GRIK2: variants seen among roughly 807,000 people sequenced by gnomAD.
GRIK2 encodes the protein glutamate receptor ionotropic, kainate 2.
A neutral mutation model predicts 100.3 loss-of-function variants in GRIK2; 32 were observed. The ratio of observed to expected loss-of-function variants is 0.32; its 90% CI spans 0.24 to 0.43. GRIK2 has a LOEUF of 0.43. Among genes scored for constraint, GRIK2 ranks in the 20% least tolerant of loss-of-function variants. The probability of loss-of-function intolerance (pLI) is 1.00; values close to 1 mark genes in which losing one functional copy is unlikely to be tolerated. For synonymous variants in GRIK2, 417 were observed against 389.4 expected, an observed-to-expected ratio of 1.07 and a Z score of -0.83; for missense variants, 843 against 1,114.9, an observed-to-expected ratio of 0.76 and a Z score of 3.47.
chr6:101,622,522 G>A (rs1562266707), intron 3 of GRIK2, among the ~76,000 whole-genome samples: 1 of 152,002 alleles, frequency 6.6e-6, no homozygotes, highest in Non-Finnish European at 1.5e-5. Flanking sequence ...TGGCTACCTT[G>A]AAAGTTATGT....
rs1303042559 is a variant in GRIK2, at chr6:101,863,396, C to A, written c.1524+3903C>A. On this transcript the variant is annotated intron_variant, in intron 11 of 16. Transcript: ENST00000369134. Reference sequence around the variant, plus strand: ...TCTTGTCAACTGTTTAATGTCCATCCCCAGAGTTCTCTGCTGGGGCTGTAC... The same window carrying A: ...TCTTGTCAACTGTTTAATGTCCATCACCAGAGTTCTCTGCTGGGGCTGTAC... 2.0e-5 allele frequency among the ~76,000 whole-genome samples: 3 copies of A among 152,100 alleles called. No homozygotes were observed. The East Asian group carries it at 5.8e-4, about 29-fold the overall frequency.
At chr6:101,493,218 G>A (rs1005607182) in intron 2 of GRIK2, among the ~76,000 whole-genome samples, 1 of 151,978 alleles carries the variant, frequency 6.6e-6, no homozygotes, top group African/African-American at 2.4e-5. Flanking sequence ...ATAGGCAAAG[G>A]AGTAACAGGG....
At chr6:101,629,877 G>A (rs1334524831) in intron 4 of GRIK2, among the ~76,000 whole-genome samples, 5 of 151,804 alleles carry the variant, frequency 3.3e-5, no homozygotes, top group East Asian at 1.9e-4. Flanking sequence ...CCCTCCCCAC[G>A]CTTGTAGTCT....
intron 11 of GRIK2, among the ~76,000 whole-genome samples, chr6:101,869,606 A>C (rs1262298019): frequency 6.6e-6 from 1 of 151,838 alleles, no homozygotes; most frequent in Non-Finnish European, 1.5e-5. Context: ...TGAAAATCAG[A>C]AGTAATGTCT....
intron 2 of GRIK2, among the ~76,000 whole-genome samples, chr6:101,582,622 T>C (rs905743850): frequency 7.2e-5 from 11 of 152,034 alleles, no homozygotes; most frequent in African/African-American, 2.2e-4. Context: ...CAGATGGGAA[T>C]TGAAAGATTT....
At chr6:102,035,937 T>C (rs1770245308) in intron 15 of GRIK2, among the ~76,000 whole-genome samples, 1 of 151,326 alleles carries the variant, frequency 6.6e-6, no homozygotes, top group Admixed American at 6.6e-5. Context: ...AAATATAGTA[T>C]TTGACTTAGA....
chr6:101,739,969 G>A (rs775981871), intron 7 of GRIK2, among the ~76,000 whole-genome samples: 2 of 151,988 alleles, frequency 1.3e-5, no homozygotes, highest in Non-Finnish European at 2.9e-5. Context: ...CATTGTTTTC[G>A]TAGTTGCTCA....
chr6:101,543,897 T>G (rs1441498776), intron 2 of GRIK2, among the ~76,000 whole-genome samples: 2 of 152,170 alleles, frequency 1.3e-5, no homozygotes, highest in Non-Finnish European at 2.9e-5. Context: ...GGCCAAAATA[T>G]TGCTTTTAGT....
chr6:101,783,353 T>A (rs1301615715), intron 7 of GRIK2, among the ~76,000 whole-genome samples: 1 of 152,104 alleles, frequency 6.6e-6, no homozygotes, highest in Non-Finnish European at 1.5e-5. Context: ...GTAAGACATA[T>A]CTTGCTTCCC....
At chr6:102,062,249 A>T (rs527742009) in intron 16 of GRIK2, among the ~76,000 whole-genome samples, 1 of 150,680 alleles carries the variant, frequency 6.6e-6, no homozygotes, top group East Asian at 1.9e-4. Flanking sequence ...TCACTAAGAA[A>T]GATATGTATT....
At chr6:101,609,626 T>G (rs1163710119) in intron 2 of GRIK2, among the ~76,000 whole-genome samples, 1 of 151,828 alleles carries the variant, frequency 6.6e-6, no homozygotes, top group African/African-American at 2.4e-5. Flanking sequence ...AAACTTCATT[T>G]TGTTTTAATA....
chr6:101,407,391 T>A (rs1303358769), intron 2 of GRIK2, among the ~76,000 whole-genome samples: 2 of 152,116 alleles, frequency 1.3e-5, no homozygotes, highest in Admixed American at 1.3e-4. Flanking sequence ...GCAATTAATG[T>A]CAGATTTTAT....
At chr6:101,972,804 T>TAG (rs1178012241) in intron 14 of GRIK2, among the ~76,000 whole-genome samples, 3 of 151,862 alleles carry the variant, frequency 2.0e-5, no homozygotes, top group Non-Finnish European at 4.4e-5. Context: ...GAATAGAGAG[T>TAG]CCCTTTCCCA....
intron 2 of GRIK2, among the ~76,000 whole-genome samples, chr6:101,500,243 T>A (rs1773677076): frequency 6.6e-6 from 1 of 152,136 alleles, no homozygotes; most frequent in Non-Finnish European, 1.5e-5. Context: ...TTGTTGTGGT[T>A]AAATTTTTAA....
chr6:102,024,902 TATTAA>T (rs1241154654), intron 14 of GRIK2, among the ~76,000 whole-genome samples: 1 of 149,960 alleles, frequency 6.7e-6, no homozygotes, highest in Non-Finnish European at 1.5e-5. Flanking sequence ...TATATGACTG[TATTAA>T]ATTATCACAT....
chr6:101,812,152 TGAA>T (rs1251672523), intron 9 of GRIK2, among the ~76,000 whole-genome samples: 1 of 151,208 alleles, frequency 6.6e-6, no homozygotes, highest in African/African-American at 2.4e-5. Flanking sequence ...ACAAAAAACA[TGAA>T]GATAAAATAT....
At chr6:101,536,631 A>G (rs1397510645) in intron 2 of GRIK2, among the ~76,000 whole-genome samples, 1 of 151,770 alleles carries the variant, frequency 6.6e-6, no homozygotes, top group East Asian at 1.9e-4. Flanking sequence ...AGAGATACAC[A>G]ATAAAATATA....
chr6:101,831,652 T>C (rs899447637), intron 10 of GRIK2, among the ~76,000 whole-genome samples: 3 of 152,188 alleles, frequency 2.0e-5, no homozygotes, highest in Admixed American at 6.6e-5. Context: ...TTATTTATAG[T>C]TACCTATTAT....
intron 1 of GRIK2, among the ~76,000 whole-genome samples, chr6:101,398,036 GA>G (rs1345067391): frequency 1.3e-5 from 2 of 151,684 alleles, no homozygotes; most frequent in Admixed American, 6.6e-5. Flanking sequence ...AACTCCTAAC[GA>G]AAGCCAAGAG....
Sources: allele counts gnomAD v4.1 joint callset (sites outside exome capture counted in the v4.1 genomes callset), GRCh38; gene constraint gnomAD v4.1.1; transcripts MANE v1.5; gene names NCBI Gene and HGNC (gene_info 2026-07-23, HGNC 2026-07-21).